The following CRADD variants were observed in gnomAD, a reference collection of about 807,000 sequenced individuals.
CRADD encodes the protein death domain-containing protein CRADD.
CRADD carries 9 observed loss-of-function variants against 15.5 expected under a neutral mutation model. That is an observed-to-expected ratio of 0.58 (90% CI 0.35 to 1.01). CRADD has a LOEUF of 1.01. Among genes scored for constraint, CRADD ranks in the 50% least tolerant of loss-of-function variants. The pLI is 0.02. For synonymous variants in CRADD, 118 were observed against 107.6 expected, an observed-to-expected ratio of 1.10 and a Z score of -0.60; for missense variants, 227 against 250.3, an observed-to-expected ratio of 0.91 and a Z score of 0.63.
intron 2 of CRADD, among the ~76,000 whole-genome samples, chr12:93,769,579 A>G (rs1406502071): frequency 6.6e-6 from 1 of 152,242 alleles, no homozygotes. Context: ...GAATACTGTG[A>G]AAGTGGTTGC....
chr12:93,723,884 G>T (rs75339280), intron 2 of CRADD, among the ~76,000 whole-genome samples: 3 of 152,144 alleles, frequency 2.0e-5, no homozygotes, highest in Non-Finnish European at 4.4e-5. Context: ...CACATGGAAG[G>T]CTTGAGTGGG....
In CRADD at chr12:93,803,909, G is replaced by A. The variant is rs1957505379; in HGVS notation, c.299-46061G>A. On this transcript the variant is annotated intron_variant, in intron 2 of 2. Coordinates refer to ENST00000332896, the MANE Select transcript of CRADD (RefSeq NM_003805.5). Reference sequence around the variant, plus strand: ...GGAAAAGAGTGGATCAGACCGATGCGATGTGATGATTTGACCCACTGTTGC... The same window carrying A: ...GGAAAAGAGTGGATCAGACCGATGCAATGTGATGATTTGACCCACTGTTGC... Among the ~76,000 whole-genome samples, 3 of 152,140 alleles carry A rather than the reference G, an allele frequency of 2.0e-5. No homozygotes were observed. In the South Asian group the frequency reaches 6.2e-4, roughly 31 times the overall value.
intron 2 of CRADD, among the ~76,000 whole-genome samples, chr12:93,792,798 G>A (rs1592995118): frequency 6.6e-6 from 1 of 152,126 alleles, no homozygotes; most frequent in Non-Finnish European, 1.5e-5. Context: ...AAGTAGCAAA[G>A]CCTTGATTTG....
At chr12:93,705,707 G>C (rs1384289896) in intron 2 of CRADD, among the ~76,000 whole-genome samples, 1 of 152,144 alleles carries the variant, frequency 6.6e-6, no homozygotes, top group Non-Finnish European at 1.5e-5. Flanking sequence ...GGAACAGATG[G>C]AGCTGTTGAT....
intron 2 of CRADD, among the ~76,000 whole-genome samples, chr12:93,792,333 A>G (rs1957358036): frequency 6.6e-6 from 1 of 152,204 alleles, no homozygotes; most frequent in African/African-American, 2.4e-5. Context: ...TTCATCTATT[A>G]TAGAACATTT....
chr12:93,769,258 A>C (rs1047298791), intron 2 of CRADD, among the ~76,000 whole-genome samples: 1 of 151,852 alleles, frequency 6.6e-6, no homozygotes, highest in South Asian at 2.1e-4. Context: ...TTATTTTTGC[A>C]TTTTTTGTAG....
chr12:93,781,992 G>T (rs921760270), intron 2 of CRADD, among the ~76,000 whole-genome samples: 1 of 151,918 alleles, frequency 6.6e-6, no homozygotes, highest in Non-Finnish European at 1.5e-5. Context: ...CCCATTACTG[G>T]GTATATACCC....
At chr12:93,729,869 A>G (rs190682723) in intron 2 of CRADD, among the ~76,000 whole-genome samples, 64 of 152,278 alleles carry the variant, frequency 4.2e-4, no homozygotes, top group African/African-American at 1.4e-3. Flanking sequence ...CAATGTGGAG[A>G]AAATGTTGGC....
intron 2 of CRADD, among the ~76,000 whole-genome samples, chr12:93,682,968 G>A (rs1377648337): frequency 6.6e-6 from 1 of 152,192 alleles, no homozygotes; most frequent in South Asian, 2.1e-4. Flanking sequence ...TTCATGGTTT[G>A]TCTCTCTGGC....
intron 2 of CRADD, among the ~76,000 whole-genome samples, chr12:93,790,306 C>T (rs11107184): frequency 0.32 from 48,130 of 151,590 alleles, 7,919 homozygotes; most frequent in East Asian, 0.54. Context: ...ACTTGAAACT[C>T]AACTATAGGT....
At chr12:93,773,814 T>G (rs914899089) in intron 2 of CRADD, among the ~76,000 whole-genome samples, 1 of 33,036 alleles carries the variant, frequency 3.0e-5, no homozygotes, top group Non-Finnish European at 5.3e-5. Context: ...ACTTTGTGAG[T>G]TTTTTTTTTT....
intron 2 of CRADD, among the ~76,000 whole-genome samples, chr12:93,784,863 C>T (rs939944553): frequency 6.6e-6 from 1 of 152,150 alleles, no homozygotes; most frequent in African/African-American, 2.4e-5. Context: ...CAAAGAAACA[C>T]CACTTTGGTA....
Position 93,729,570 on chromosome 12 carries a change from T to C in CRADD, c.298+50498T>C, listed in dbSNP as rs1040662208. ...GGGAGGCCAAGGCGGGCAGATCACC[T>C]GAGGTTGGAGTTTGAGACCAGCCTG... On this transcript the variant is annotated intron_variant, in intron 2 of 2. Coordinates refer to ENST00000332896, the MANE Select transcript of CRADD (RefSeq NM_003805.5). Among the ~76,000 whole-genome samples the C allele has an allele frequency of 1.2e-4, 19 of 152,056 alleles. 1 individual carries two copies. Among genetic ancestry groups the C allele is most frequent in the Admixed American group, 5.2e-4 (8 of 15,268 alleles).
chr12:93,886,162 C>CGTTTTTT lies in CRADD; in HGVS notation c.299-7888_299-7887insGTTTTTT, dbSNP rs1555231623. ...ATGGACATGCCTCTAGCTGCTGATGCTTTTTTTTTTTTTTTTTTTTGAGAC... is the reference window on the plus strand; with the variant it reads ...ATGGACATGCCTCTAGCTGCTGATGCGTTTTTTTTTTTTTTTTTTTTTTTTTTGAGAC... On this transcript the variant is annotated intron_variant, in intron 2 of 2. Transcript: ENST00000548483. Among the ~76,000 whole-genome samples, 2 of 123,948 alleles carry CGTTTTTT rather than the reference C, an allele frequency of 1.6e-5. 1 individual carries two copies. The highest frequency in any genetic ancestry group is 6.1e-5 in the African/African-American group (2 of 32,932). The allele number at this position is 123,948 out of a possible 152,430, so 81.3% of individuals were successfully genotyped here.
chr12:93,822,817 G>A (rs891262271), intron 2 of CRADD, among the ~76,000 whole-genome samples: 2 of 152,118 alleles, frequency 1.3e-5, no homozygotes, highest in African/African-American at 4.8e-5. Flanking sequence ...TGTAATTAGA[G>A]TATTGTATCA....
intron 2 of CRADD, among the ~76,000 whole-genome samples, chr12:93,701,789 A>G (rs1485282273): frequency 6.6e-6 from 1 of 152,058 alleles, no homozygotes; most frequent in East Asian, 1.9e-4. Context: ...CACTGATACA[A>G]TGATGTTGTA....
intron 2 of CRADD, chr12:93,846,454 T>TTTTTG (rs3884267): frequency 0.42 from 63,464 of 150,898 alleles, 13,742 homozygotes; most frequent in East Asian, 0.65. Context: ...GACTTACTGT[T>TTTTTG]TTTTGTTTTG....
chr12:93,805,935 C>T (rs1170242383), intron 2 of CRADD, among the ~76,000 whole-genome samples: 1 of 152,124 alleles, frequency 6.6e-6, no homozygotes, highest in Non-Finnish European at 1.5e-5. Flanking sequence ...CAGCAAGTCC[C>T]TGAAGGGGGC....
chr12:93,826,341 T>C (rs2137024497), intron 2 of CRADD, among the ~76,000 whole-genome samples: 1 of 152,348 alleles, frequency 6.6e-6, no homozygotes, highest in East Asian at 1.9e-4. Context: ...CTTTAATAGC[T>C]GGCACGATTC....
Sources: allele counts gnomAD v4.1 joint callset (sites outside exome capture counted in the v4.1 genomes callset), GRCh38; gene constraint gnomAD v4.1.1; transcripts MANE v1.5; gene names NCBI Gene and HGNC (gene_info 2026-07-23, HGNC 2026-07-21).